Variants in STXBP5L observed in about 807,000 individuals in gnomAD.
STXBP5L encodes the protein syntaxin binding protein 5L.
A neutral mutation model predicts 144.5 loss-of-function variants in STXBP5L; 65 were observed. The observed-to-expected ratio is 0.45, with a 90% confidence interval of 0.37 to 0.55. The LOEUF is 0.55. STXBP5L is among the 20% of genes least tolerant of loss of function. STXBP5L has a pLI of 0.00. For synonymous variants in STXBP5L, 505 were observed against 469.6 expected (o/e 1.08, Z -0.97); for missense variants, 1,298 against 1,405.5 (o/e 0.92, Z 1.22).
chr3:121,109,148 G>C (rs1201797617), intron 5 of STXBP5L, among the ~76,000 whole-genome samples: 1 of 151,898 alleles, frequency 6.6e-6, no homozygotes, highest in African/African-American at 2.4e-5. Context: ...TATTAGTCTA[G>C]GTAGCGGTCT....
chr3:120,950,349 G>A (rs1305334241), intron 2 of STXBP5L, among the ~76,000 whole-genome samples: 1 of 151,924 alleles, frequency 6.6e-6, no homozygotes, highest in Non-Finnish European at 1.5e-5. Flanking sequence ...ATTTATTTCT[G>A]GAATCTCATT....
chr3:121,304,978 G>C (rs1204025476), intron 19 of STXBP5L, among the ~76,000 whole-genome samples: 2 of 150,908 alleles, frequency 1.3e-5, no homozygotes, highest in South Asian at 2.1e-4. Flanking sequence ...ATTAATACCA[G>C]GAGTGAAAAA....
Position 121,413,314 on chromosome 3 carries a change from T to C in STXBP5L, c.3105T>C (p.Asp1035=), listed in dbSNP as rs2047161836. 1 of 1,569,954 alleles carries C rather than the reference T, an allele frequency of 6.4e-7. No homozygotes were observed. Among genetic ancestry groups the C allele is most frequent in the Non-Finnish European group, 8.6e-7 (1 of 1,160,712 alleles). Residue 1035 remains aspartate (D), a synonymous_variant, in exon 24 of 27, where the codon GAT becomes GAC. Coordinates refer to ENST00000471454, the MANE Select transcript of STXBP5L (RefSeq NM_001308330.2). ...TAACATACAGCCAAGAAATGTGTGA[T>C]AATCTACAGGTAGGTCAGGAGTTAC... The part of the protein sequence containing the change: ...QRLTYSQEMC[D]NLQDMLGDLF...
chr3:120,982,603 C>T (rs553995580), intron 3 of STXBP5L, among the ~76,000 whole-genome samples: 4 of 152,304 alleles, frequency 2.6e-5, no homozygotes, highest in East Asian at 1.9e-4. Flanking sequence ...GGCTCTCTGT[C>T]GAAGTGGCTT....
At chr3:121,392,116 C>G (rs574352556) in intron 22 of STXBP5L, among the ~76,000 whole-genome samples, 1 of 152,266 alleles carries the variant, frequency 6.6e-6, no homozygotes, top group South Asian at 2.1e-4. Flanking sequence ...ATGGCAGACA[C>G]CCCTCCCCAG....
chr3:121,004,291 T>C (rs1484971879), intron 3 of STXBP5L, among the ~76,000 whole-genome samples: 1 of 151,338 alleles, frequency 6.6e-6, no homozygotes, highest in Non-Finnish European at 1.5e-5. Context: ...GATTCCTAGG[T>C]ATTTTATTCT....
intron 3 of STXBP5L, among the ~76,000 whole-genome samples, chr3:120,973,166 G>A (rs1940480555): frequency 6.6e-6 from 1 of 152,044 alleles, no homozygotes; most frequent in Admixed American, 6.6e-5. Flanking sequence ...TTTTGTAAAT[G>A]TGGTATAATT....
intron 20 of STXBP5L, among the ~76,000 whole-genome samples, chr3:121,344,499 T>C (rs2044870218): frequency 6.6e-6 from 1 of 152,024 alleles, no homozygotes; most frequent in South Asian, 2.1e-4. Context: ...AACAAAAAGA[T>C]ACATGGAGAG....
At chr3:121,008,425 A>T (rs1386923756) in intron 3 of STXBP5L, among the ~76,000 whole-genome samples, 1 of 151,978 alleles carries the variant, frequency 6.6e-6, no homozygotes, top group Non-Finnish European at 1.5e-5. Context: ...ATTTATATAG[A>T]CAGGAAGTGC....
At chr3:121,068,476 AT>A (rs1427076360) in intron 5 of STXBP5L, among the ~76,000 whole-genome samples, 2 of 151,846 alleles carry the variant, frequency 1.3e-5, no homozygotes, top group Admixed American at 6.6e-5. Flanking sequence ...ATTAATATGT[AT>A]TTTTTCACGC....
intron 2 of STXBP5L, among the ~76,000 whole-genome samples, 176 bp downstream of exon 2, chr3:120,909,943 A>G (rs1255128310): frequency 6.6e-6 from 1 of 152,262 alleles, no homozygotes; most frequent in Non-Finnish European, 1.5e-5. Context: ...GCGTCAACTT[A>G]AAAAGCAATG....
chr3:121,129,178 T>C (rs2044856969), intron 7 of STXBP5L, among the ~76,000 whole-genome samples: 2 of 152,034 alleles, frequency 1.3e-5, no homozygotes, highest in Admixed American at 1.3e-4. Flanking sequence ...TCTCCAAATG[T>C]ATAATTTGAC....
At chr3:121,212,551 C>G (rs145912513) in intron 10 of STXBP5L, among the ~76,000 whole-genome samples, 1 of 152,052 alleles carries the variant, frequency 6.6e-6, no homozygotes, top group African/African-American at 2.4e-5. Context: ...TCTGAGGACT[C>G]GGTTCTGTTC....
chr3:120,955,061 A>C, intron 3 of STXBP5L, 24 bp downstream of exon 3: 1 of 1,524,314 alleles, frequency 6.6e-7, no homozygotes, highest in Non-Finnish European at 9.1e-7. Flanking sequence ...TTGGTTCATT[A>C]TCTGCCACAG....
At chr3:121,335,973 T>C (rs1324646569) in intron 20 of STXBP5L, among the ~76,000 whole-genome samples, 1 of 152,128 alleles carries the variant, frequency 6.6e-6, no homozygotes, top group East Asian at 1.9e-4. Flanking sequence ...ATTAACAGTG[T>C]AAACAGACAG....
At chr3:121,142,750 ATACTAAGAGGGAAG>A (rs916940142) in intron 7 of STXBP5L, among the ~76,000 whole-genome samples, 1 of 151,934 alleles carries the variant, frequency 6.6e-6, no homozygotes, top group Non-Finnish European at 1.5e-5. Flanking sequence ...AGCAAAAGCA[ATACTAAGAGGGAAG>A]TTCTAGCAAT....
chr3:120,958,983 C>A (rs542821270), intron 3 of STXBP5L, among the ~76,000 whole-genome samples: 4 of 152,302 alleles, frequency 2.6e-5, no homozygotes, highest in African/African-American at 9.6e-5. Flanking sequence ...TTGCAGGTGA[C>A]ATGATTGTAT....
chr3:121,208,969 C>G (rs2048447152), intron 10 of STXBP5L, among the ~76,000 whole-genome samples: 1 of 151,958 alleles, frequency 6.6e-6, no homozygotes, highest in Admixed American at 6.6e-5. Flanking sequence ...CTCCCTATGT[C>G]CATGTATTCT....
chr3:121,320,848 G>A (rs955497619), intron 20 of STXBP5L, among the ~76,000 whole-genome samples: 3 of 151,804 alleles, frequency 2.0e-5, no homozygotes, highest in Non-Finnish European at 2.9e-5. Flanking sequence ...CTACAGGAGC[G>A]TGTCACACAC....
Sources: allele counts gnomAD v4.1 joint callset (sites outside exome capture counted in the v4.1 genomes callset), GRCh38; gene constraint gnomAD v4.1.1; transcripts MANE v1.5; gene names NCBI Gene and HGNC (gene_info 2026-07-23, HGNC 2026-07-21).